The following SV2C variants were observed in gnomAD, a reference collection of about 807,000 sequenced individuals.
The protein encoded by SV2C is solute carrier family 22 member B3.
In SV2C, 49 loss-of-function variants were observed where a neutral mutation model predicts 79.7. The ratio of observed to expected loss-of-function variants is 0.61; its 90% confidence interval spans 0.49 to 0.78. The LOEUF (loss-of-function observed/expected upper bound fraction) is 0.78. SV2C is among the 30% of genes least tolerant of loss of function. SV2C has a pLI of 0.00. For missense variants in SV2C, 833 were observed against 912.9 expected, an observed-to-expected ratio of 0.91 and a Z score of 1.13; for synonymous variants, 334 against 333.2, an observed-to-expected ratio of 1.00 and a Z score of -0.03.
the SV2C span, among the ~76,000 whole-genome samples, chr5:75,984,945 A>T: frequency 6.6e-6 from 1 of 151,978 alleles, no homozygotes; most frequent in Non-Finnish European, 1.5e-5. Context: ...CAGCACCTCG[A>T]TTAGTGCTTG....
the SV2C span, among the ~76,000 whole-genome samples, chr5:75,905,993 T>C: frequency 1.4e-5 from 2 of 143,420 alleles, no homozygotes; most frequent in African/African-American, 5.8e-5. Flanking sequence ...AGGACTCTCA[T>C]ACACAGAGGT....
the SV2C span, among the ~76,000 whole-genome samples, chr5:76,067,950 C>T: frequency 0.011 from 1,645 of 152,128 alleles, 34 homozygotes; most frequent in African/African-American, 0.037. Context: ...AGCCATTTTA[C>T]TAAATTAACT....
the SV2C span, among the ~76,000 whole-genome samples, chr5:75,891,649 A>C: frequency 1.4e-4 from 22 of 152,174 alleles, no homozygotes; most frequent in Non-Finnish European, 2.9e-5. Flanking sequence ...GAGTTATAAC[A>C]GATGGCATGA....
At chr5:76,248,538 A>G (rs936765959) in intron 4 of SV2C, among the ~76,000 whole-genome samples, 7 of 152,142 alleles carry the variant, frequency 4.6e-5, no homozygotes, top group African/African-American at 1.7e-4. Context: ...GGGCTTCAAT[A>G]TATAAATTTG....
chr5:76,129,072 T>C (rs1748799666), intron 1 of SV2C, among the ~76,000 whole-genome samples: 1 of 152,164 alleles, frequency 6.6e-6, no homozygotes, highest in Non-Finnish European at 1.5e-5. Flanking sequence ...CTGCACATAT[T>C]CCAAGATGGC....
chr5:76,286,390 G>T (rs748203440), intron 6 of SV2C, among the ~76,000 whole-genome samples: 18 of 152,078 alleles, frequency 1.2e-4, no homozygotes, highest in Non-Finnish European at 2.2e-4. Flanking sequence ...CCCCACAAAG[G>T]TGTATACTCA....
intron 4 of SV2C, among the ~76,000 whole-genome samples, chr5:76,242,921 G>C (rs1745832065): frequency 1.3e-5 from 2 of 150,380 alleles, no homozygotes; most frequent in South Asian, 2.1e-4. Flanking sequence ...GGCTGAGGCG[G>C]GAGGATCCCT....
At chr5:76,008,823 C>G in the SV2C span, among the ~76,000 whole-genome samples, 5,480 of 152,244 alleles carry the variant, frequency 0.036, 218 homozygotes, top group African/African-American at 0.089. Context: ...AAGTCAATGT[C>G]CTGAGGATGG....
At chr5:75,916,908 C>T in the SV2C span, among the ~76,000 whole-genome samples, 1 of 152,216 alleles carries the variant, frequency 6.6e-6, no homozygotes, top group Non-Finnish European at 1.5e-5. Context: ...TAGCTTTCAG[C>T]CAACGAAGGT....
At chr5:76,040,700 A>G in the SV2C span, among the ~76,000 whole-genome samples, 2 of 152,146 alleles carry the variant, frequency 1.3e-5, no homozygotes, top group Non-Finnish European at 2.9e-5. Context: ...CTAAGTGTGG[A>G]AGTGCAAGTC....
At position 76,196,669 on chromosome 5, in the gene SV2C, A is replaced by G. The variant is rs145580086; in HGVS notation, c.761+1570A>G. Among the ~76,000 whole-genome samples, 397 of 152,326 alleles carry G rather than the reference A, an allele frequency of 2.6e-3. 2 individuals carry two copies. The highest frequency in any genetic ancestry group is 6.8e-3 in the Middle Eastern group (2 of 294). ...AGCTTCCTTCTCCCTTTTATTATCT[A>G]TAATAAAACCACTAGCCTGTCAACA... On this transcript the variant is annotated intron_variant, in intron 3 of 12. Transcript: ENST00000502798.
the SV2C span, among the ~76,000 whole-genome samples, chr5:76,012,422 T>C: frequency 6.6e-6 from 1 of 152,232 alleles, no homozygotes; most frequent in East Asian, 1.9e-4. Flanking sequence ...GAGAAGTGGC[T>C]GTTCATATCC....
the SV2C span, among the ~76,000 whole-genome samples, chr5:76,060,562 C>G: frequency 2.0e-5 from 3 of 152,116 alleles, no homozygotes; most frequent in Non-Finnish European, 4.4e-5. Context: ...CCTCTCTCAG[C>G]CTTCATAGAA....
chr5:76,322,150 T>C (rs1383495685), intron 12 of SV2C, among the ~76,000 whole-genome samples: 2 of 152,068 alleles, frequency 1.3e-5, no homozygotes, highest in Non-Finnish European at 2.9e-5. Context: ...TGTTAATTAA[T>C]AAAAGAAAAT....
At chr5:76,057,657 A>G in the SV2C span, among the ~76,000 whole-genome samples, 2 of 152,080 alleles carry the variant, frequency 1.3e-5, no homozygotes, top group Non-Finnish European at 2.9e-5. Context: ...TAAATGTTTC[A>G]GTTTTCTCAC....
At chr5:76,348,011 C>G (rs1315494483) in intron 12 of SV2C, among the ~76,000 whole-genome samples, 3 of 152,134 alleles carry the variant, frequency 2.0e-5, no homozygotes, top group Non-Finnish European at 4.4e-5. Context: ...TGACATGTAT[C>G]CACCATTATA....
chr5:76,120,827 T>C (rs182018246), intron 1 of SV2C, among the ~76,000 whole-genome samples: 6,757 of 150,448 alleles, frequency 0.045, 525 homozygotes, highest in African/African-American at 0.16. Context: ...ACAATAAACA[T>C]ATGTGTGCAT....
At chr5:76,233,664 T>C (rs566054716) in intron 4 of SV2C, among the ~76,000 whole-genome samples, 2 of 151,702 alleles carry the variant, frequency 1.3e-5, no homozygotes, top group African/African-American at 4.9e-5. Context: ...TGTTGAATTT[T>C]GTCAAAGGCC....
At chr5:76,306,662 A>C (rs1748204087) in intron 12 of SV2C, among the ~76,000 whole-genome samples, 1 of 152,234 alleles carries the variant, frequency 6.6e-6, no homozygotes, top group Non-Finnish European at 1.5e-5. Context: ...AATTCCACAC[A>C]GCAAAAAATA....
Sources: allele counts gnomAD v4.1 joint callset (sites outside exome capture counted in the v4.1 genomes callset), GRCh38; gene constraint gnomAD v4.1.1; transcripts MANE v1.5; gene names NCBI Gene and HGNC (gene_info 2026-07-23, HGNC 2026-07-21).